The following CFAP20DC variants were observed in gnomAD, a reference collection of about 807,000 sequenced individuals.
CFAP20DC encodes the protein protein CFAP20DC.
CFAP20DC carries 84 observed loss-of-function variants against 101.7 expected under a neutral mutation model. That is an observed-to-expected ratio of 0.83 (90% CI 0.69 to 0.99). CFAP20DC has a LOEUF of 0.99. CFAP20DC is among the 50% of genes least tolerant of loss of function. The probability of loss-of-function intolerance (pLI) is 0.00; values close to 1 mark genes in which losing one functional copy is unlikely to be tolerated. For synonymous variants in CFAP20DC, 359 were observed against 351.2 expected, an observed-to-expected ratio of 1.02 and a Z score of -0.25; for missense variants, 1,007 against 970.3, an observed-to-expected ratio of 1.04 and a Z score of -0.50.
At chr3:58,851,899 T>C (rs2078268733) in intron 12 of CFAP20DC, among the ~76,000 whole-genome samples, 1 of 152,186 alleles carries the variant, frequency 6.6e-6, no homozygotes, top group African/African-American at 2.4e-5. Context: ...GTAGGAGCAT[T>C]GTCGTGGTGG....
chr3:58,829,925 T>G (rs2076285530), intron 14 of CFAP20DC, among the ~76,000 whole-genome samples: 1 of 152,202 alleles, frequency 6.6e-6, no homozygotes, highest in South Asian at 2.1e-4. Context: ...TACTTGCAGT[T>G]TAAATGACTG....
At chr3:58,985,494 C>T (rs1433993360) in intron 4 of CFAP20DC, among the ~76,000 whole-genome samples, 1 of 152,158 alleles carries the variant, frequency 6.6e-6, no homozygotes, top group Non-Finnish European at 1.5e-5. Flanking sequence ...CTATCAATCC[C>T]TTGCCTACAG....
chr3:58,902,771 C>T (rs572219460), intron 6 of CFAP20DC, among the ~76,000 whole-genome samples: 24 of 152,266 alleles, frequency 1.6e-4, no homozygotes, highest in Non-Finnish European at 2.9e-4. Context: ...TACATATAAC[C>T]TATGCACATC....
intron 15 of CFAP20DC, among the ~76,000 whole-genome samples, chr3:58,766,342 A>G (rs1385104727): frequency 1.3e-5 from 2 of 152,198 alleles, no homozygotes; most frequent in East Asian, 1.9e-4. Context: ...TGTGAAGTAG[A>G]CAATGCTTGA....
At chr3:58,910,899 C>G (rs950136485) in intron 6 of CFAP20DC, among the ~76,000 whole-genome samples, 1 of 151,492 alleles carries the variant, frequency 6.6e-6, no homozygotes, top group Non-Finnish European at 1.5e-5. Context: ...TCAGGCATAC[C>G]AAGAGACAAG....
chr3:58,803,331 T>C (rs1247290047), intron 15 of CFAP20DC, among the ~76,000 whole-genome samples: 3 of 152,322 alleles, frequency 2.0e-5, no homozygotes, highest in African/African-American at 7.2e-5. Flanking sequence ...CATACCAGAA[T>C]TTTCAATCAC....
intron 13 of CFAP20DC, among the ~76,000 whole-genome samples, chr3:58,842,331 G>GGCGA (rs2077194830): frequency 6.6e-6 from 1 of 152,190 alleles, no homozygotes; most frequent in Admixed American, 6.5e-5. Flanking sequence ...GCTGAAGCAG[G>GGCGA]GCGAGGCATT....
At chr3:58,893,207 C>A (rs2082396526) in intron 6 of CFAP20DC, among the ~76,000 whole-genome samples, 1 of 152,040 alleles carries the variant, frequency 6.6e-6, no homozygotes, top group Non-Finnish European at 1.5e-5. Flanking sequence ...CTACGCCCAG[C>A]TAATTTTTTT....
chr3:58,974,276 TA>T (rs757068861), intron 4 of CFAP20DC, among the ~76,000 whole-genome samples: 29 of 152,090 alleles, frequency 1.9e-4, no homozygotes, highest in South Asian at 6.2e-4. Context: ...CCCCTACTAG[TA>T]GTCCTCAGTG....
intron 1 of CFAP20DC, among the ~76,000 whole-genome samples, chr3:59,048,635 G>A (rs1318436760): frequency 6.6e-6 from 1 of 152,128 alleles, no homozygotes; most frequent in East Asian, 1.9e-4. Context: ...TAGTGATAAC[G>A]AATGGGACAG....
At chr3:58,957,625 G>A (rs1001496806) in intron 4 of CFAP20DC, among the ~76,000 whole-genome samples, 10 of 152,092 alleles carry the variant, frequency 6.6e-5, no homozygotes, top group Non-Finnish European at 4.4e-5. Flanking sequence ...CAGATTAATG[G>A]ATAAAGACAA....
At chr3:58,995,764 G>T (rs926934138) in intron 4 of CFAP20DC, among the ~76,000 whole-genome samples, 1 of 152,144 alleles carries the variant, frequency 6.6e-6, no homozygotes, top group Admixed American at 6.5e-5. Flanking sequence ...GGGAGAATTT[G>T]CTCTCTCTGT....
chr3:58,823,849 G>T (rs1048940615), intron 14 of CFAP20DC, among the ~76,000 whole-genome samples: 1 of 152,044 alleles, frequency 6.6e-6, no homozygotes, highest in African/African-American at 2.4e-5. Flanking sequence ...TAATTTCATT[G>T]TTTTCATTCT....
chr3:59,005,626 T>A (rs1023148983), intron 4 of CFAP20DC, among the ~76,000 whole-genome samples: 7 of 152,240 alleles, frequency 4.6e-5, no homozygotes, highest in Non-Finnish European at 1.0e-4. Flanking sequence ...TGAATACTGA[T>A]AACATCTTGC....
intron 12 of CFAP20DC, chr3:58,862,716 G>T: frequency 1.0e-6 from 1 of 968,280 alleles, no homozygotes; most frequent in Non-Finnish European, 1.2e-6. Context: ...AGGTTTTCTA[G>T]TTATTTCTAT....
In CFAP20DC at chr3:58,742,410, G is replaced by A; in HGVS notation, c.*50C>T. On this transcript the variant is annotated 3_prime_UTR_variant, in exon 17 of 17. Transcript: ENST00000482387. ...GTGACTCCTTAAGCGACCCTGAACT[G>A]CTATTCTGCTCCAGCTGGGAGTGCC... is the stretch of plus-strand genomic sequence containing the variant. The A allele has an allele frequency of 1.3e-6, 2 of 1,537,956 alleles. No homozygotes were observed. The highest frequency in any genetic ancestry group is 1.3e-5 in the South Asian group (1 of 75,388).
rs904188646 is a variant in CFAP20DC at position 58,913,442 on chromosome 3, A to G, written c.550+266T>C. The G allele has an allele frequency of 3.4e-6, 2 of 581,984 alleles. No individual in the cohort carries two copies. Among genetic ancestry groups the G allele is most frequent in the Non-Finnish European group, 6.1e-6 (2 of 330,510 alleles). 36.1% of individuals were successfully genotyped at this position (581,984 alleles called of 1,614,324 possible). A position where few individuals can be genotyped will look rare whatever the true frequency, so the allele number is the denominator to read the frequency against. On this transcript the variant is annotated intron_variant, in intron 6 of 16. Coordinates refer to ENST00000482387, the MANE Select transcript of CFAP20DC (RefSeq NM_001394063.1). This position sits in a 1 kb window ranked among gnomAD's most constrained non-coding sequence, Gnocchi z 4.4. The stretch of plus-strand genomic sequence containing the variant: ...AAAGAGGATTATGTTGTTTGTAACT[A>G]AGGAGCCTAAGACAGATAGCAAGTG...
chr3:58,802,706 C>T (rs896700500), intron 15 of CFAP20DC, among the ~76,000 whole-genome samples: 2 of 152,166 alleles, frequency 1.3e-5, no homozygotes, highest in East Asian at 3.9e-4. Context: ...ATGTCAAACA[C>T]TGCCCTGTGA....
At chr3:58,966,528 A>G (rs1025846007) in intron 4 of CFAP20DC, among the ~76,000 whole-genome samples, 1 of 144,034 alleles carries the variant, frequency 6.9e-6, no homozygotes, top group East Asian at 1.9e-4. Context: ...ATAAATATAT[A>G]TATATATTTT....
Sources: gnomAD v4.1 joint callset for allele counts (sites outside exome capture counted in the v4.1 genomes callset) on GRCh38, gnomAD v4.1.1 for gene constraint, Gnocchi (gnomAD v3.1) non-coding constraint, MANE v1.5 for transcripts, NCBI Gene and HGNC (gene_info 2026-07-23, HGNC 2026-07-21) for gene names.